Variants in GPC3 observed in about 807,000 individuals in gnomAD.
GPC3 encodes the protein glypican-3.
In GPC3, 3 loss-of-function variants were observed where a neutral mutation model predicts 34.4. That is an observed-to-expected ratio of 0.09 (90% confidence interval 0.04 to 0.23). The LOEUF (loss-of-function observed/expected upper bound fraction) is 0.23, where lower values mean the gene tolerates loss of function less well. Among genes scored for constraint, GPC3 ranks in the 10% least tolerant of loss-of-function variants. GPC3 has a pLI of 1.00. For synonymous variants in GPC3, 177 were observed against 174.0 expected (o/e 1.02, Z -0.13); for missense variants, 351 against 445.6 (o/e 0.79, Z 1.91).
chrX:133,964,261 G>A (rs2076453480), intron 1 of GPC3, among the ~76,000 whole-genome samples: 1 of 111,822 alleles, frequency 8.9e-6, no homozygotes. Flanking sequence ...TAAAAAGGAA[G>A]GCTTTTGCTT....
intron 3 of GPC3, among the ~76,000 whole-genome samples, chrX:133,718,612 A>G (rs954291995): frequency 9.0e-6 from 1 of 111,366 alleles, no homozygotes; most frequent in African/African-American, 3.3e-5. Context: ...GTTTTATTAC[A>G]TTAAATACAA....
intron 6 of GPC3, among the ~76,000 whole-genome samples, chrX:133,657,355 G>A (rs986955251): frequency 1.8e-5 from 2 of 111,676 alleles, no homozygotes; most frequent in Non-Finnish European, 1.9e-5. Flanking sequence ...TGTTGTGATC[G>A]TTTTTGGTAA....
intron 2 of GPC3, among the ~76,000 whole-genome samples, chrX:133,824,711 T>C (rs1461312628): frequency 2.7e-5 from 3 of 110,914 alleles, no homozygotes; most frequent in African/African-American, 9.9e-5. Context: ...CCCATAAATA[T>C]GTACAATTAC....
At chrX:133,795,306 T>A (rs1048804494) in intron 2 of GPC3, among the ~76,000 whole-genome samples, 11 of 112,689 alleles carry the variant, frequency 9.8e-5, no homozygotes, top group Admixed American at 1.9e-4. Flanking sequence ...TCAGGGACCA[T>A]GTCTTCCCCT....
chrX:133,615,856 G>T (rs1168306175), intron 6 of GPC3, among the ~76,000 whole-genome samples: 1 of 110,326 alleles, frequency 9.1e-6, no homozygotes, highest in Non-Finnish European at 1.9e-5. Context: ...AAATCCAACA[G>T]CCTTTTGTGA....
intron 3 of GPC3, among the ~76,000 whole-genome samples, chrX:133,704,535 A>G (rs1202908130): frequency 1.8e-5 from 2 of 109,023 alleles, no homozygotes; most frequent in Non-Finnish European, 3.8e-5. Flanking sequence ...GTGTGATTGG[A>G]CAAAGAGGTT....
intron 7 of GPC3, among the ~76,000 whole-genome samples, chrX:133,590,405 G>A (rs901298987): frequency 3.6e-5 from 4 of 111,416 alleles, no homozygotes; most frequent in African/African-American, 1.3e-4. Context: ...ATGTAACCAT[G>A]GGTAAGACAT....
At chrX:133,630,783 A>T (rs1299238730) in intron 6 of GPC3, among the ~76,000 whole-genome samples, 1 of 112,111 alleles carries the variant, frequency 8.9e-6, no homozygotes, top group Non-Finnish European at 1.9e-5. Flanking sequence ...CTTTGGAATA[A>T]ACATTAATCA....
At chrX:133,670,027 C>A (rs781305174) in intron 5 of GPC3, among the ~76,000 whole-genome samples, 7 of 111,662 alleles carry the variant, frequency 6.3e-5, no homozygotes, top group Non-Finnish European at 1.3e-4. Flanking sequence ...AGAAAAGGAA[C>A]CTCATTAAAA....
intron 2 of GPC3, among the ~76,000 whole-genome samples, chrX:133,783,493 T>C (rs1350205056): frequency 8.9e-6 from 1 of 112,058 alleles, no homozygotes; most frequent in East Asian, 2.8e-4. Context: ...CTTCTCCATG[T>C]TGGCCTGCAG....
chrX:133,923,960 G>A (rs191104382), intron 2 of GPC3, among the ~76,000 whole-genome samples: 32 of 111,596 alleles, frequency 2.9e-4, no homozygotes, highest in Admixed American at 1.6e-3. Context: ...GTTGTTCTCC[G>A]TCCTATAAAT....
chrX:133,751,874 G>GT (rs935803194), intron 3 of GPC3, among the ~76,000 whole-genome samples: 10 of 109,606 alleles, frequency 9.1e-5, no homozygotes, highest in East Asian at 2.8e-4. Flanking sequence ...TCTCTCTCTT[G>GT]TTTTTTTTGT....
At chrX:133,728,060 G>T (rs1389952776) in intron 3 of GPC3, among the ~76,000 whole-genome samples, 1 of 111,808 alleles carries the variant, frequency 8.9e-6, no homozygotes, top group East Asian at 2.8e-4. Context: ...AGCCTTCTAG[G>T]TTCCATTTAT....
At chrX:133,649,566 A>G (rs1037332704) in intron 6 of GPC3, among the ~76,000 whole-genome samples, 1 of 111,289 alleles carries the variant, frequency 9.0e-6, no homozygotes. Flanking sequence ...GAAATTGGCA[A>G]TACGAAAATT....
chrX:133,704,873 T>C (rs745709054), intron 3 of GPC3, among the ~76,000 whole-genome samples: 28 of 111,383 alleles, frequency 2.5e-4, no homozygotes, highest in African/African-American at 8.5e-4. Context: ...TTTGATCTGA[T>C]ACAATTCACT....
chrX:133,771,446 C>T (rs764640120), intron 2 of GPC3, among the ~76,000 whole-genome samples: 1 of 112,329 alleles, frequency 8.9e-6, no homozygotes, highest in Non-Finnish European at 1.9e-5. Flanking sequence ...CTGGAGACAT[C>T]CCCAATTCCA....
chrX:133,829,908 C>G (rs1022746282), intron 2 of GPC3, among the ~76,000 whole-genome samples: 3 of 111,647 alleles, frequency 2.7e-5, no homozygotes, highest in African/African-American at 9.8e-5. Context: ...TTCATACAGA[C>G]TTTACATAGT....
Position 133,953,182 on chromosome X carries a change from C to T in GPC3, c.205G>A (p.Gly69Ser). The T allele has an allele frequency of 2.5e-6, 3 of 1,208,926 alleles. No individual in the cohort carries two copies. Among genetic ancestry groups the T allele is most frequent in the Non-Finnish European group, 3.4e-6 (3 of 893,800 alleles). Residue 69 changes from glycine (G) to serine (S), a missense_variant, in exon 2 of 8, where the codon GGC becomes AGC. Transcript: ENST00000370818. ...ATCTTTCTTGAGCAGCATGTTGGGC[C>T]CTTAGGGAGACATACTTGCAAATCT... is the stretch of plus-strand genomic sequence containing the variant. ...GSDLQVCLPK[G>S]PTCCSRKMEE...
At chrX:133,792,383 A>C (rs1457420964) in intron 2 of GPC3, among the ~76,000 whole-genome samples, 1 of 111,703 alleles carries the variant, frequency 9.0e-6, no homozygotes, top group East Asian at 2.8e-4. Flanking sequence ...GTAGATGCTC[A>C]ATAAATGGGT....
Sources: allele counts gnomAD v4.1 joint callset (sites outside exome capture counted in the v4.1 genomes callset), GRCh38; gene constraint gnomAD v4.1.1; transcripts MANE v1.5; gene names NCBI Gene and HGNC (gene_info 2026-07-23, HGNC 2026-07-21).